Variants in FGF12 observed in about 807,000 individuals in gnomAD.
The protein encoded by FGF12 is fibroblast growth factor 12B.
FGF12 carries 14 observed loss-of-function variants against 23.6 expected under a neutral mutation model. The ratio of observed to expected loss-of-function variants is 0.59; its 90% CI spans 0.39 to 0.93. The LOEUF (loss-of-function observed/expected upper bound fraction) is 0.93, where lower values mean the gene tolerates loss of function less well. FGF12 is among the 40% of genes least tolerant of loss of function. The probability of loss-of-function intolerance (pLI) is 0.00; values close to 1 mark genes in which losing one functional copy is unlikely to be tolerated. For synonymous variants in FGF12, 62 were observed against 77.3 expected (o/e 0.80, Z 1.04); for missense variants, 175 against 217.8 (o/e 0.80, Z 1.24).
chr3:192,239,576 G>A (rs1719489766), intron 4 of FGF12, among the ~76,000 whole-genome samples: 1 of 152,178 alleles, frequency 6.6e-6, no homozygotes, highest in Non-Finnish European at 1.5e-5. Flanking sequence ...AGCAGCGGGT[G>A]AGTGAGCACT....
chr3:192,663,113 T>C (rs1204465704), intron 2 of FGF12, among the ~76,000 whole-genome samples: 1 of 152,172 alleles, frequency 6.6e-6, no homozygotes, highest in African/African-American at 2.4e-5. Context: ...CTTGGAAAAC[T>C]TGCAGACAGA....
intron 4 of FGF12, among the ~76,000 whole-genome samples, chr3:192,330,420 A>G (rs1428609912): frequency 6.6e-6 from 1 of 152,144 alleles, no homozygotes; most frequent in Non-Finnish European, 1.5e-5. Flanking sequence ...CCAGAAATAA[A>G]CCCTTTAATA....
chr3:192,289,863 A>G (rs1714662251), intron 4 of FGF12, among the ~76,000 whole-genome samples: 1 of 152,186 alleles, frequency 6.6e-6, no homozygotes, highest in Admixed American at 6.6e-5. Context: ...CCCAGTTATA[A>G]TAATTTATTT....
intron 4 of FGF12, among the ~76,000 whole-genome samples, chr3:192,262,948 G>A (rs371756744): frequency 4.0e-5 from 6 of 151,880 alleles, no homozygotes; most frequent in South Asian, 4.2e-4. Context: ...TTTCTAAAAC[G>A]TAAGAAATCT....
intron 2 of FGF12, among the ~76,000 whole-genome samples, chr3:192,391,821 A>G (rs1222071043): frequency 2.0e-5 from 3 of 152,252 alleles, no homozygotes; most frequent in Non-Finnish European, 4.4e-5. Flanking sequence ...CAGTTTTTCA[A>G]TATTACTTCT....
chr3:192,557,320 A>G (rs1244243910), intron 2 of FGF12, among the ~76,000 whole-genome samples: 3 of 151,838 alleles, frequency 2.0e-5, no homozygotes, highest in African/African-American at 4.8e-5. Context: ...AAAAAAACAG[A>G]TAAGTCTAAA....
At chr3:192,165,800 T>C (rs1010170538) in intron 5 of FGF12, among the ~76,000 whole-genome samples, 1 of 152,188 alleles carries the variant, frequency 6.6e-6, no homozygotes, top group East Asian at 1.9e-4. Flanking sequence ...TTACTTCAGA[T>C]TGAAGGGCAA....
intron 2 of FGF12, among the ~76,000 whole-genome samples, chr3:192,373,584 A>T (rs1034134118): frequency 1.3e-5 from 2 of 152,242 alleles, no homozygotes; most frequent in Non-Finnish European, 2.9e-5. Flanking sequence ...TTGATATTAC[A>T]TCACACAAAA....
At chr3:192,516,848 A>G (rs1003615931) in intron 2 of FGF12, 2 of 152,286 alleles carry the variant, frequency 1.3e-5, no homozygotes, top group Non-Finnish European at 2.9e-5. Flanking sequence ...CCCCAGGGCA[A>G]CCTGAGCCAT....
At chr3:192,608,412 C>T (rs1295083895) in intron 2 of FGF12, among the ~76,000 whole-genome samples, 2 of 151,984 alleles carry the variant, frequency 1.3e-5, no homozygotes, top group East Asian at 1.9e-4. Flanking sequence ...ATCTCATGTG[C>T]TCTGTATATA....
chr3:192,424,330 G>A (rs1012405981), intron 2 of FGF12, among the ~76,000 whole-genome samples: 4 of 152,166 alleles, frequency 2.6e-5, no homozygotes, highest in African/African-American at 4.8e-5. Context: ...ATGCTAATGA[G>A]AATTTTCTTC....
chr3:192,619,001 C>T (rs1714870530), intron 2 of FGF12, among the ~76,000 whole-genome samples: 1 of 151,162 alleles, frequency 6.6e-6, no homozygotes, highest in Non-Finnish European at 1.5e-5. Flanking sequence ...ATATATATGT[C>T]AATATATAAT....
chr3:192,348,373 T>A (rs905087960), intron 3 of FGF12, among the ~76,000 whole-genome samples: 1 of 152,194 alleles, frequency 6.6e-6, no homozygotes, highest in Admixed American at 6.6e-5. Context: ...GACACACACA[T>A]CCTACACACC....
intron 2 of FGF12, among the ~76,000 whole-genome samples, chr3:192,702,216 A>C (rs1253379462): frequency 1.3e-5 from 2 of 152,202 alleles, no homozygotes; most frequent in Non-Finnish European, 2.9e-5. Context: ...TTAAAGGCTG[A>C]ATTGTAGTTT....
chr3:192,695,392 G>A (rs563399526), intron 2 of FGF12, among the ~76,000 whole-genome samples: 1 of 152,204 alleles, frequency 6.6e-6, no homozygotes, highest in East Asian at 1.9e-4. Context: ...TGGAAGGTAA[G>A]GGAGAAATGT....
At chr3:192,356,275 C>A (rs987583796) in intron 3 of FGF12, among the ~76,000 whole-genome samples, 26 of 152,212 alleles carry the variant, frequency 1.7e-4, no homozygotes, top group African/African-American at 6.0e-4. Context: ...TCCAGTCTTT[C>A]CACCGTACTA....
chr3:192,711,313 G>A (rs987730572), intron 2 of FGF12, among the ~76,000 whole-genome samples: 8 of 141,570 alleles, frequency 5.7e-5, no homozygotes, highest in South Asian at 2.3e-4. Context: ...CCAGCCAGCC[G>A]CCCCATCCGG....
intron 2 of FGF12, among the ~76,000 whole-genome samples, chr3:192,435,726 A>G (rs752666570): frequency 6.6e-6 from 1 of 152,190 alleles, no homozygotes; most frequent in East Asian, 1.9e-4. Flanking sequence ...CTGATAAAGT[A>G]TATCAAGCCT....
intron 2 of FGF12, among the ~76,000 whole-genome samples, chr3:192,661,563 C>T (rs1716673244): frequency 6.6e-6 from 1 of 151,540 alleles, no homozygotes; most frequent in Non-Finnish European, 1.5e-5. Context: ...GGAAATTCTC[C>T]CAAGAATCAG....
Sources: gnomAD v4.1 joint callset for allele counts (sites outside exome capture counted in the v4.1 genomes callset) on GRCh38, gnomAD v4.1.1 for gene constraint, MANE v1.5 for transcripts, NCBI Gene and HGNC (gene_info 2026-07-23, HGNC 2026-07-21) for gene names.